The following KBTBD8 variants were observed in gnomAD, a reference collection of about 807,000 sequenced individuals.
The protein encoded by KBTBD8 is kelch repeat and BTB domain-containing protein 8.
A neutral mutation model predicts 53.5 loss-of-function variants in KBTBD8; 31 were observed. That is an observed-to-expected ratio of 0.58 (90% CI 0.44 to 0.78). The LOEUF is 0.78. Among genes scored for constraint, KBTBD8 ranks in the 30% least tolerant of loss-of-function variants. The probability of loss-of-function intolerance (pLI) is 0.00; values close to 1 mark genes in which losing one functional copy is unlikely to be tolerated. For synonymous variants in KBTBD8, 250 were observed against 247.3 expected, an observed-to-expected ratio of 1.01 and a Z score of -0.10; for missense variants, 642 against 735.8, an observed-to-expected ratio of 0.87 and a Z score of 1.48.
intron 3 of KBTBD8, among the ~76,000 whole-genome samples, chr3:67,006,680 A>G (rs970695143): frequency 5.9e-5 from 9 of 152,230 alleles, no homozygotes; most frequent in Non-Finnish European, 8.8e-5. Context: ...GAATTTGTAG[A>G]TAAGAGTAAC....
Position 66,998,999 on chromosome 3 carries a change from C to T in KBTBD8, c.35C>T (p.Pro12Leu). 1 of 1,609,148 alleles carries T rather than the reference C, an allele frequency of 6.2e-7. No individual in the cohort carries two copies. Among genetic ancestry groups the T allele is most frequent in the East Asian group, 2.2e-5 (1 of 44,790 alleles). Residue 12 changes from proline to leucine, a missense_variant, in exon 2 of 4, where the codon CCA becomes CTA. Transcript: ENST00000417314. ...CTCCTAGATTTAAGTAAGTCTTCCC[C>T]AACACCGAATGGGATTCCATCTTCA... ...AASADLSKSS[P>L]TPNGIPSSDP...
chr3:67,000,472 C>T (rs1702007281), intron 2 of KBTBD8, among the ~76,000 whole-genome samples: 1 of 152,100 alleles, frequency 6.6e-6, no homozygotes, highest in Non-Finnish European at 1.5e-5. Context: ...CATGTATTGC[C>T]TTATATAATC....
At chr3:67,001,672 G>A (rs1056146537) in intron 2 of KBTBD8, among the ~76,000 whole-genome samples, 6 of 152,228 alleles carry the variant, frequency 3.9e-5, no homozygotes, top group Middle Eastern at 3.4e-3. Flanking sequence ...CAGCACATAC[G>A]TAGGAACATC....
Position 67,011,031 on chromosome 3 carries a change from C to G in KBTBD8, c.*2646C>G, listed in dbSNP as rs554605657. 6 of 152,520 alleles carry G rather than the reference C, an allele frequency of 3.9e-5. No homozygotes were observed. Among genetic ancestry groups the G allele is most frequent in the Non-Finnish European group, 7.4e-5 (5 of 68,018 alleles). 9.4% of individuals were successfully genotyped at this position (152,520 alleles called of 1,614,324 possible). On this transcript the variant is annotated 3_prime_UTR_variant, in exon 4 of 4. Transcript: ENST00000417314. ...GATGTGATCATGAAGGAATCAGATT[C>G]CCTATGTAAAGCAGTTTAAAATGGA...
intron 3 of KBTBD8, among the ~76,000 whole-genome samples, chr3:67,006,977 T>A (rs1702068545): frequency 6.6e-6 from 1 of 152,212 alleles, no homozygotes; most frequent in African/African-American, 2.4e-5. Context: ...CTTTTTATTA[T>A]CAAATCAAAA....
chr3:66,998,865 T>C, intron 1 of KBTBD8, 116 bp from the exon 2 acceptor site: 1 of 782,544 alleles, frequency 1.3e-6, no homozygotes, highest in East Asian at 2.7e-5. Context: ...CCACAGACAT[T>C]TGTATATATC....
intron 2 of KBTBD8, among the ~76,000 whole-genome samples, chr3:66,999,737 A>G (rs1161290930): frequency 6.6e-6 from 1 of 152,218 alleles, no homozygotes; most frequent in Non-Finnish European, 1.5e-5. Context: ...TAAAACATGT[A>G]GCATGTTCCT....
At position 67,007,937 on chromosome 3, in the gene KBTBD8, T is replaced by G; in HGVS notation, c.1358T>G (p.Phe453Cys). ...IYVLQGEFFL[F>C]YEPQKDYWGF... ...TTTTTTTTAGGAGAATTTTTTCTCTTCTATGAGCCTCAAAAAGACTACTGG... is the reference window on the plus strand; with the variant it reads ...TTTTTTTTAGGAGAATTTTTTCTCTGCTATGAGCCTCAAAAAGACTACTGG... Residue 453 changes from phenylalanine to cysteine, a missense_variant, in exon 4 of 4, where the codon TTC becomes TGC. Transcript: ENST00000417314. 1 of 1,549,864 alleles carries G rather than the reference T, an allele frequency of 6.5e-7. No individual in the cohort carries two copies. The highest frequency in any genetic ancestry group is 8.7e-7 in the Non-Finnish European group (1 of 1,151,636).
Position 67,003,723 on chromosome 3 carries a change from A to G in KBTBD8, c.756A>G (p.Lys252=), listed in dbSNP as rs1702038408. Residue 252 remains lysine, a synonymous_variant, in exon 3 of 4, where the codon AAA becomes AAG. Coordinates refer to ENST00000417314, the MANE Select transcript of KBTBD8 (RefSeq NM_032505.3). ...FPLMEDTFIE[K]IPPQFAQAIA... ...TGATGGAAGATACCTTTATAGAGAAAATTCCACCTCAGTTTGCACAGGCTA... is the reference window on the plus strand; with the variant it reads ...TGATGGAAGATACCTTTATAGAGAAGATTCCACCTCAGTTTGCACAGGCTA... 1.2e-6 allele frequency: 2 copies of G among 1,614,176 alleles called. No individual in the cohort carries two copies. The highest frequency in any genetic ancestry group is 1.7e-6 in the Non-Finnish European group (2 of 1,180,026).
Position 67,007,975 on chromosome 3 carries a change from C to G in KBTBD8, c.1396C>G (p.Pro466Ala). ...AAAAGACTACTGGGGTTTCTTAACC[C>G]CCATGACTGTGCCTAGAATCCAGGG... ...PQKDYWGFLT[P>A]MTVPRIQGLA... The change falls in exon 4 of 4, where the codon CCC (proline) becomes GCC (alanine). Residue 466 changes from proline (P) to alanine (A), a missense_variant. Physicochemically the swap from Pro to Ala is conservative, Grantham distance 27. Coordinates refer to ENST00000417314, the MANE Select transcript of KBTBD8 (RefSeq NM_032505.3). 4 of 1,612,834 alleles carry G rather than the reference C, an allele frequency of 2.5e-6. No homozygotes were observed. The highest frequency in any genetic ancestry group is 3.4e-6 in the Non-Finnish European group (4 of 1,179,650).
chr3:67,003,586 G>T lies in KBTBD8; in HGVS notation c.619G>T (p.Val207Leu). ...TATACTAGACAGTGACGATTTAAAT[G>T]TAGACCGAGAAGAGCATGTTTATGA... The part of the protein sequence containing the change: ...ISILDSDDLN[V>L]DREEHVYESI... Residue 207 changes from valine (V) to leucine (L), a missense_variant, in exon 3 of 4, where the codon GTA becomes TTA. Physicochemically the swap from Val to Leu is conservative, Grantham distance 32. Coordinates refer to ENST00000417314, the MANE Select transcript of KBTBD8 (RefSeq NM_032505.3). 6.2e-7 allele frequency: 1 copy of T among 1,613,894 alleles called. No individual in the cohort carries two copies. Among genetic ancestry groups the T allele is most frequent in the Non-Finnish European group, 8.5e-7 (1 of 1,179,838 alleles).
chr3:67,001,247 T>G (rs1702015918), intron 2 of KBTBD8, among the ~76,000 whole-genome samples: 1 of 152,200 alleles, frequency 6.6e-6, no homozygotes, highest in Non-Finnish European at 1.5e-5. Flanking sequence ...CGCTGCTTCC[T>G]GTGTGGGATG....
intron 2 of KBTBD8, among the ~76,000 whole-genome samples, chr3:67,002,127 C>CTATTAAA (rs1702022955): frequency 6.6e-6 from 1 of 152,132 alleles, no homozygotes; most frequent in Admixed American, 6.5e-5. Flanking sequence ...AATCAGTTAA[C>CTATTAAA]TATTAAACTC....
chr3:66,998,752 G>A (rs763090760), intron 1 of KBTBD8, among the ~76,000 whole-genome samples: 1 of 152,206 alleles, frequency 6.6e-6, no homozygotes, highest in South Asian at 2.1e-4. Context: ...GGCTCGCCGG[G>A]CTCCGCAGGA....
At chr3:67,001,755 C>G (rs1392745147) in intron 2 of KBTBD8, among the ~76,000 whole-genome samples, 1 of 152,144 alleles carries the variant, frequency 6.6e-6, no homozygotes, top group African/African-American at 2.4e-5. Flanking sequence ...AAACAGGACT[C>G]GAAGATGATT....
rs1242106902 is a variant in KBTBD8, at chr3:67,007,950, A to G, written c.1371A>G (p.Gln457=). The G allele has an allele frequency of 6.4e-7, 1 of 1,573,714 alleles. No individual in the cohort carries two copies. The highest frequency in any genetic ancestry group is 8.6e-7 in the Non-Finnish European group (1 of 1,165,098). The change falls in exon 4 of 4, where the codon CAA becomes CAG. Residue 457 remains glutamine, a synonymous_variant. Transcript: ENST00000417314. Reference sequence around the variant, plus strand: ...AATTTTTTCTCTTCTATGAGCCTCAAAAAGACTACTGGGGTTTCTTAACCC... The same window carrying G: ...AATTTTTTCTCTTCTATGAGCCTCAGAAAGACTACTGGGGTTTCTTAACCC... ...QGEFFLFYEP[Q]KDYWGFLTPM...
At chr3:67,007,781 G>T in intron 3 of KBTBD8, 141 bp from the exon 4 acceptor site, 1 of 562,968 alleles carries the variant, frequency 1.8e-6, no homozygotes, top group Non-Finnish European at 3.1e-6. Flanking sequence ...TGTATCTCTG[G>T]AGATTATAAA....
chr3:66,998,326 A>C lies in KBTBD8; in HGVS notation c.-30A>C, dbSNP rs1701979772. ...AGAAGCGAAATGACATTTCCTTTTT[A>C]AATAGCTGGAGTCGGGGCCCCATCG... On this transcript the variant is annotated 5_prime_UTR_variant, in exon 1 of 4. An upstream open reading frame in the 5' UTR loses its in-frame stop. Transcript: ENST00000417314. 1.5e-6 allele frequency: 2 copies of C among 1,300,890 alleles called. No individual in the cohort carries two copies. The highest frequency in any genetic ancestry group is 2.0e-6 in the Non-Finnish European group (2 of 1,016,702). The allele number at this position is 1,300,890 out of a possible 1,614,324, so 80.6% of individuals were successfully genotyped here.
intron 3 of KBTBD8, among the ~76,000 whole-genome samples, chr3:67,004,699 T>C (rs1702048948): frequency 6.6e-6 from 1 of 152,220 alleles, no homozygotes; most frequent in Non-Finnish European, 1.5e-5. Flanking sequence ...AAAATTGAGA[T>C]GTTGTAGCAA....
Sources: allele counts gnomAD v4.1 joint callset (sites outside exome capture counted in the v4.1 genomes callset), GRCh38; gene constraint gnomAD v4.1.1; transcripts MANE v1.5; gene names NCBI Gene and HGNC (gene_info 2026-07-23, HGNC 2026-07-21).